The following RIMS1 variants were observed in gnomAD, a reference collection of about 807,000 sequenced individuals.
RIMS1 encodes the protein regulating synaptic membrane exocytosis protein 1.
Under a neutral mutation model 214.1 loss-of-function variants are expected in RIMS1, and 83 were observed. That is an observed-to-expected ratio of 0.39 (90% CI 0.32 to 0.47). The LOEUF is 0.47. RIMS1 is among the 20% of genes least tolerant of loss of function. The pLI is 0.99. For missense variants in RIMS1, 2,050 were observed against 2,161.8 expected (o/e 0.95, Z 1.03); for synonymous variants, 793 against 786.8 (o/e 1.01, Z -0.13).
At chr6:72,077,714 A>G (rs558335961) in intron 2 of RIMS1, among the ~76,000 whole-genome samples, 55 of 152,324 alleles carry the variant, frequency 3.6e-4, no homozygotes, top group African/African-American at 1.3e-3. Context: ...ACATTCTCTA[A>G]AGTCCTAAGA....
intron 1 of RIMS1, among the ~76,000 whole-genome samples, chr6:71,965,813 C>T (rs1448942316): frequency 6.6e-6 from 1 of 152,158 alleles, no homozygotes; most frequent in Non-Finnish European, 1.5e-5. Context: ...TCCTTCAATC[C>T]GTGGTAATTC....
intron 2 of RIMS1, among the ~76,000 whole-genome samples, chr6:72,049,157 A>G (rs956622523): frequency 2.6e-5 from 4 of 152,230 alleles, no homozygotes; most frequent in African/African-American, 9.6e-5. Flanking sequence ...AATCAAAATA[A>G]GAGGTTGAAG....
In RIMS1 at chr6:72,170,999, T is replaced by C. The variant is rs151005757; in HGVS notation, c.472-8576T>C. 3.2e-3 allele frequency among the ~76,000 whole-genome samples: 488 copies of C among 152,218 alleles called. 4 individuals carry two copies. The highest frequency in any genetic ancestry group is 0.011 in the African/African-American group (455 of 41,548). ...TTCCCTATTTTATAAATGAGGATAC[T>C]GAAGCACAGAGAGAAGATATAAGCT... On this transcript the variant is annotated intron_variant, in intron 4 of 33. Transcript: ENST00000521978.
chr6:72,130,377 A>G (rs191286616), intron 4 of RIMS1, among the ~76,000 whole-genome samples: 50 of 152,146 alleles, frequency 3.3e-4, no homozygotes, highest in Middle Eastern at 3.4e-3. Context: ...CTTTTCTGTG[A>G]GGTTTGAATA....
chr6:72,231,476 G>A (rs1191099488), intron 6 of RIMS1, among the ~76,000 whole-genome samples: 2 of 151,558 alleles, frequency 1.3e-5, no homozygotes, highest in African/African-American at 2.4e-5. Context: ...ATATTTAGTA[G>A]ATAGCTACAA....
At chr6:72,216,006 A>G (rs1203024010) in intron 6 of RIMS1, among the ~76,000 whole-genome samples, 1 of 152,224 alleles carries the variant, frequency 6.6e-6, no homozygotes, top group Non-Finnish European at 1.5e-5. Context: ...TTCATTTTCT[A>G]AAACAAAGTA....
intron 2 of RIMS1, among the ~76,000 whole-genome samples, chr6:72,058,729 G>A (rs903145322): frequency 2.6e-5 from 4 of 152,114 alleles, no homozygotes; most frequent in African/African-American, 9.7e-5. Flanking sequence ...CTTATTTCTT[G>A]CCGAGGACAT....
rs763369396 is a variant in RIMS1, at chr6:72,191,585, C to T, written c.1678+8436C>T. ...ACACAAAACCAGAGAGTTGATATAC[C>T]CTTGAGGTAGAACAGTAAAGGTATA... On this transcript the variant is annotated intron_variant, in intron 6 of 33. Coordinates refer to ENST00000521978, the MANE Select transcript of RIMS1 (RefSeq NM_014989.7). Among the ~76,000 whole-genome samples the T allele has an allele frequency of 7.9e-5, 12 of 152,174 alleles. No homozygotes were observed. In the South Asian group the frequency reaches 8.3e-4, roughly 11 times the overall value.
intron 31 of RIMS1, among the ~76,000 whole-genome samples, chr6:72,395,977 A>G (rs1463005240): frequency 6.6e-6 from 1 of 151,864 alleles, no homozygotes; most frequent in African/African-American, 2.4e-5. Context: ...AATTTTCAGA[A>G]CTGAAAATAA....
intron 9 of RIMS1, among the ~76,000 whole-genome samples, chr6:72,239,662 T>C (rs530459785): frequency 1.3e-5 from 2 of 152,324 alleles, no homozygotes; most frequent in South Asian, 4.1e-4. Flanking sequence ...GCTTTAAGTC[T>C]GTGCACTCTA....
chr6:72,350,881 G>A (rs376292595), intron 29 of RIMS1, among the ~76,000 whole-genome samples: 2 of 152,250 alleles, frequency 1.3e-5, no homozygotes, highest in South Asian at 4.1e-4. Flanking sequence ...AGGCTGATCA[G>A]ATTGGGAAAG....
intron 29 of RIMS1, among the ~76,000 whole-genome samples, chr6:72,348,617 G>A (rs1216689206): frequency 6.6e-6 from 1 of 151,764 alleles, no homozygotes; most frequent in African/African-American, 2.4e-5. Context: ...ACATTTGCAG[G>A]TTTGTTACAT....
At chr6:72,121,683 C>T (rs2038356299) in intron 4 of RIMS1, among the ~76,000 whole-genome samples, 1 of 151,920 alleles carries the variant, frequency 6.6e-6, no homozygotes, top group Admixed American at 6.6e-5. Flanking sequence ...GAACTTCCAA[C>T]ACTATGTTGA....
At chr6:72,324,676 T>TA (rs1357077669) in intron 28 of RIMS1, among the ~76,000 whole-genome samples, 3 of 152,022 alleles carry the variant, frequency 2.0e-5, no homozygotes, top group African/African-American at 7.2e-5. Context: ...GTAAACAACT[T>TA]ACGATAGTAA....
chr6:72,012,738 T>C (rs1052142315), intron 2 of RIMS1, among the ~76,000 whole-genome samples: 1 of 152,142 alleles, frequency 6.6e-6, no homozygotes, highest in African/African-American at 2.4e-5. Flanking sequence ...GAATCTAGAT[T>C]GGATTTGGAA....
chr6:71,900,106 A>C (rs1310799700), intron 1 of RIMS1, among the ~76,000 whole-genome samples: 1 of 152,162 alleles, frequency 6.6e-6, no homozygotes, highest in African/African-American at 2.4e-5. Context: ...CAGGTTATCC[A>C]GGTGTGCTTC....
chr6:71,903,782 A>G (rs1774464328), intron 1 of RIMS1, among the ~76,000 whole-genome samples: 2 of 151,890 alleles, frequency 1.3e-5, no homozygotes, highest in African/African-American at 4.8e-5. Flanking sequence ...CCTACATGGA[A>G]TTTGACTAAG....
chr6:72,062,949 G>A (rs557708675), intron 2 of RIMS1, among the ~76,000 whole-genome samples: 83 of 152,038 alleles, frequency 5.5e-4, no homozygotes, highest in African/African-American at 1.7e-3. Flanking sequence ...TAATAATCTC[G>A]TTTTAACTTA....
chr6:72,205,444 G>A (rs1466647135), intron 6 of RIMS1, among the ~76,000 whole-genome samples: 2 of 152,104 alleles, frequency 1.3e-5, no homozygotes, highest in African/African-American at 4.8e-5. Flanking sequence ...CTTTCTTTGG[G>A]AAACCATGAG....
Sources: allele counts gnomAD v4.1 joint callset (sites outside exome capture counted in the v4.1 genomes callset), GRCh38; gene constraint gnomAD v4.1.1; transcripts MANE v1.5; gene names NCBI Gene and HGNC (gene_info 2026-07-23, HGNC 2026-07-21).